The following CRACD variants were observed in gnomAD, a reference collection of about 807,000 sequenced individuals.
CRACD encodes the protein capping protein-inhibiting regulator of actin dynamics.
CRACD carries 56 observed loss-of-function variants against 106.8 expected under a neutral mutation model. The ratio of observed to expected loss-of-function variants is 0.52; its 90% CI spans 0.42 to 0.66. CRACD has a LOEUF of 0.66. Among genes scored for constraint, CRACD ranks in the 30% least tolerant of loss-of-function variants. The pLI, the probability that CRACD is intolerant of heterozygous loss-of-function variation, is 0.00. For missense variants in CRACD, 1,730 were observed against 1,623.2 expected, an observed-to-expected ratio of 1.07 and a Z score of -1.13; for synonymous variants, 754 against 670.8, an observed-to-expected ratio of 1.12 and a Z score of -1.92.
At chr4:56,159,675 A>G (rs940668870) in intron 1 of CRACD, among the ~76,000 whole-genome samples, 9 of 152,094 alleles carry the variant, frequency 5.9e-5, no homozygotes, top group Admixed American at 3.3e-4. Flanking sequence ...ACAAAAAACA[A>G]TAGTCTCTTC....
intron 2 of CRACD, among the ~76,000 whole-genome samples, chr4:56,260,390 G>A (rs1375729748): frequency 6.6e-6 from 1 of 152,210 alleles, no homozygotes; most frequent in Non-Finnish European, 1.5e-5. Context: ...TCTTGTTAGT[G>A]AAAGGATGAC....
Position 56,091,012 on chromosome 4 carries a change from G to C in CRACD, c.-336+41713G>C, listed in dbSNP as rs1028461459. 7.2e-4 allele frequency among the ~76,000 whole-genome samples: 110 copies of C among 152,172 alleles called. 1 individual carries two copies. The highest frequency in any genetic ancestry group is 2.6e-3 in the African/African-American group (107 of 41,534). On this transcript the variant is annotated intron_variant, in intron 1 of 10. Transcript: ENST00000682029. ...TTAAGCTAGTTTGGGTTGAATTTCTGTTGCTTCACACAATAGTAGTTTTTT... is the reference window on the plus strand; with the variant it reads ...TTAAGCTAGTTTGGGTTGAATTTCTCTTGCTTCACACAATAGTAGTTTTTT...
chr4:56,123,414 G>A (rs1218990583), intron 1 of CRACD, among the ~76,000 whole-genome samples: 1 of 152,142 alleles, frequency 6.6e-6, no homozygotes, highest in Non-Finnish European at 1.5e-5. Context: ...TATAAGGCAG[G>A]GAGAGAATTA....
intron 1 of CRACD, among the ~76,000 whole-genome samples, chr4:56,087,064 T>A (rs1733253329): frequency 6.6e-6 from 1 of 151,956 alleles, no homozygotes; most frequent in African/African-American, 2.4e-5. Context: ...CAGGCTGGAG[T>A]GTGGTGGTGT....
In CRACD at chr4:56,298,326, C is replaced by A; in HGVS notation, c.97C>A (p.Leu33Met). 1 of 1,614,142 alleles carries A rather than the reference C, an allele frequency of 6.2e-7. No individual in the cohort carries two copies. Among genetic ancestry groups the A allele is most frequent in the African/African-American group, 1.3e-5 (1 of 75,042 alleles). ...TCAAGCAATGTCACAGGACAACATC[C>A]TGGGCAAAGTCAAAACTCTTCAGGT... ...TVQAMSQDNI[L>M]GKVKTLQQQL... Residue 33 changes from leucine to methionine, a missense_variant, in exon 4 of 11, where the codon CTG becomes ATG. By Grantham distance (15) the Leu-to-Met change is conservative (BLOSUM62 2). Coordinates refer to ENST00000682029, the MANE Select transcript of CRACD (RefSeq NM_001393381.1).
At chr4:56,242,922 G>T (rs936077839) in intron 2 of CRACD, among the ~76,000 whole-genome samples, 2 of 152,162 alleles carry the variant, frequency 1.3e-5, no homozygotes, top group African/African-American at 4.8e-5. Flanking sequence ...TGGCGCACCA[G>T]GTAAAGGTTA....
At chr4:56,323,239 C>A in intron 8 of CRACD, 138 bp from the exon 9 acceptor site, 1 of 664,874 alleles carries the variant, frequency 1.5e-6, no homozygotes, top group Non-Finnish European at 2.5e-6. Context: ...CAGGCATCAG[C>A]ACAGAGGTTG....
chr4:56,078,707 C>A (rs1396262460), intron 1 of CRACD, among the ~76,000 whole-genome samples: 1 of 152,208 alleles, frequency 6.6e-6, no homozygotes, highest in Non-Finnish European at 1.5e-5. Context: ...TAAGCCACTG[C>A]ACCGGGCACC....
chr4:56,322,883 G>T (rs1275907789), intron 8 of CRACD, among the ~76,000 whole-genome samples: 1 of 152,114 alleles, frequency 6.6e-6, no homozygotes, highest in South Asian at 2.1e-4. Context: ...ACAACAATTT[G>T]CCAGGTGTGG....
chr4:56,187,150 A>G (rs1240931878), intron 2 of CRACD, among the ~76,000 whole-genome samples: 1 of 152,040 alleles, frequency 6.6e-6, no homozygotes, highest in Non-Finnish European at 1.5e-5. Flanking sequence ...TACTTAGGGC[A>G]TTGCAATGGG....
At chr4:56,095,153 A>C (rs1560449277) in intron 1 of CRACD, among the ~76,000 whole-genome samples, 3 of 152,074 alleles carry the variant, frequency 2.0e-5, no homozygotes, top group Admixed American at 1.3e-4. Context: ...GGAGTTTGAG[A>C]CCAGCTGGAG....
At chr4:56,324,528 T>G (rs899837261) in intron 10 of CRACD, among the ~76,000 whole-genome samples, 22 of 152,206 alleles carry the variant, frequency 1.4e-4, no homozygotes, top group Non-Finnish European at 2.9e-4. Context: ...GTTTGGAGCA[T>G]CTTCAATTTC....
At chr4:56,166,063 CTA>C (rs577448167) in intron 1 of CRACD, among the ~76,000 whole-genome samples, 28 of 152,138 alleles carry the variant, frequency 1.8e-4, no homozygotes, top group South Asian at 1.5e-3. Context: ...GGGTTTTTTT[CTA>C]TGTTTCCCAG....
At position 56,326,189 on chromosome 4, in the gene CRACD, G is replaced by T. The variant is rs187782975; in HGVS notation, c.3542-1455G>T. ...GGCCTCCCAAAGTGCTGGGATTAAA[G>T]GCGTGAGCCACCATGCCTGGCCCAA... On this transcript the variant is annotated intron_variant, in intron 10 of 10. Coordinates refer to ENST00000682029, the MANE Select transcript of CRACD (RefSeq NM_001393381.1). Among the ~76,000 whole-genome samples the T allele has an allele frequency of 2.6e-3, 394 of 152,322 alleles. 3 individuals are homozygous for T. The highest frequency in any genetic ancestry group is 9.1e-3 in the African/African-American group (377 of 41,578).
intron 1 of CRACD, among the ~76,000 whole-genome samples, chr4:56,095,804 G>C (rs139397979): frequency 4.9e-4 from 74 of 152,314 alleles, no homozygotes; most frequent in African/African-American, 1.7e-3. Context: ...TGACAATGTG[G>C]GGTGGGGAGA....
rs1745341638 is a variant in CRACD at position 56,314,163 on chromosome 4, A to C, written c.661A>C (p.Arg221=). 1 of 1,613,952 alleles carries C rather than the reference A, an allele frequency of 6.2e-7. No homozygotes were observed. The highest frequency in any genetic ancestry group is 8.5e-7 in the Non-Finnish European group (1 of 1,179,940). The change falls in exon 8 of 11, where the codon AGA becomes CGA. Residue 221 remains arginine (R), a synonymous_variant. Transcript: ENST00000682029. The surrounding 1 kb of genome is among the most constrained non-coding windows in gnomAD (Gnocchi z 4.4). The part of the protein sequence containing the change: ...EPNPLDSEEE[R]RRQEDYWREL... ...CAATCCGCTGGATTCCGAGGAAGAGAGAAGACGCCAAGAAGACTACTGGCG... is the reference window on the plus strand; with the variant it reads ...CAATCCGCTGGATTCCGAGGAAGAGCGAAGACGCCAAGAAGACTACTGGCG...
At chr4:56,205,139 G>A (rs1258251430) in intron 2 of CRACD, among the ~76,000 whole-genome samples, 1 of 152,112 alleles carries the variant, frequency 6.6e-6, no homozygotes, top group African/African-American at 2.4e-5. Context: ...CTTGGCAACA[G>A]AGTAAGACCC....
intron 4 of CRACD, among the ~76,000 whole-genome samples, chr4:56,298,934 A>G (rs1333795040): frequency 6.6e-6 from 1 of 151,904 alleles, no homozygotes; most frequent in Non-Finnish European, 1.5e-5. Context: ...CTCTCTCCCC[A>G]ACAACAACAA....
chr4:56,240,349 T>C (rs1050468749), intron 2 of CRACD, among the ~76,000 whole-genome samples: 15 of 152,014 alleles, frequency 9.9e-5, no homozygotes, highest in Admixed American at 7.2e-4. Flanking sequence ...ACAGAGAAAT[T>C]CCTTGGAGGA....
Sources: gnomAD v4.1 joint callset for allele counts (sites outside exome capture counted in the v4.1 genomes callset) on GRCh38, gnomAD v4.1.1 for gene constraint, Gnocchi (gnomAD v3.1) non-coding constraint, MANE v1.5 for transcripts, NCBI Gene and HGNC (gene_info 2026-07-23, HGNC 2026-07-21) for gene names.